Variants in RASGRP3 observed in about 807,000 individuals in gnomAD.
RASGRP3 encodes the protein ras guanyl-releasing protein 3.
A neutral mutation model predicts 82.7 loss-of-function variants in RASGRP3; 54 were observed. The observed-to-expected ratio is 0.65, with a 90% confidence interval of 0.52 to 0.82. The LOEUF (loss-of-function observed/expected upper bound fraction) is 0.82, where lower values mean the gene tolerates loss of function less well. Among genes scored for constraint, RASGRP3 ranks in the 40% least tolerant of loss-of-function variants. The pLI is 0.00. For synonymous variants in RASGRP3, 309 were observed against 300.5 expected (o/e 1.03, Z -0.29); for missense variants, 861 against 828.9 (o/e 1.04, Z -0.48).
intron 1 of RASGRP3, among the ~76,000 whole-genome samples, chr2:33,441,391 G>T (rs1026859138): frequency 6.6e-5 from 10 of 152,144 alleles, no homozygotes; most frequent in African/African-American, 2.2e-4. Flanking sequence ...AAGACCAAGG[G>T]TGTCAACCTC....
intron 1 of RASGRP3, among the ~76,000 whole-genome samples, chr2:33,490,189 CTA>C (rs1187008788): frequency 2.6e-5 from 4 of 152,190 alleles, no homozygotes; most frequent in African/African-American, 9.7e-5. Flanking sequence ...GCTTCCTCTA[CTA>C]TGTTCTCCTC....
At chr2:33,504,308 C>A (rs2150986216) in intron 1 of RASGRP3, among the ~76,000 whole-genome samples, 1 of 152,130 alleles carries the variant, frequency 6.6e-6, no homozygotes, top group Non-Finnish European at 1.5e-5. Flanking sequence ...TTTCTGTGCT[C>A]CCGCAATGCC....
At chr2:33,454,262 C>G (rs55669450) in intron 2 of RASGRP3, among the ~76,000 whole-genome samples, 3 of 152,110 alleles carry the variant, frequency 2.0e-5, no homozygotes, top group Non-Finnish European at 4.4e-5. Flanking sequence ...CATACATAGT[C>G]CAGAGAGGAG....
intron 14 of RASGRP3, chr2:33,555,159 T>C (rs551435837): frequency 5.7e-6 from 1 of 174,862 alleles, no homozygotes; most frequent in Admixed American, 6.3e-5. Flanking sequence ...TTTCCTGTAG[T>C]GGGCGCTAAG....
intron 13 of RASGRP3, among the ~76,000 whole-genome samples, chr2:33,548,056 TCGGGAGTA>T: frequency 6.6e-6 from 1 of 152,070 alleles, no homozygotes; most frequent in South Asian, 2.1e-4. Flanking sequence ...TTTGAAAACT[TCGGGAGTA>T]AAAGAAGGTA....
chr2:33,560,357 T>C (rs2151122428), intron 17 of RASGRP3, among the ~76,000 whole-genome samples: 1 of 152,310 alleles, frequency 6.6e-6, no homozygotes, highest in South Asian at 2.1e-4. Context: ...CTACTTCTTT[T>C]ACTGGCCTAG....
At chr2:33,490,783 G>A (rs1668777287) in intron 1 of RASGRP3, among the ~76,000 whole-genome samples, 1 of 152,078 alleles carries the variant, frequency 6.6e-6, no homozygotes, top group South Asian at 2.1e-4. Flanking sequence ...TCTTTCCCTG[G>A]AGCTCCAAAT....
At chr2:33,519,891 C>T (rs7597095) in intron 4 of RASGRP3, 61 bp from the exon 5 acceptor site, 751,395 of 1,204,482 alleles carry the variant, frequency 0.62, 239,910 homozygotes, top group Middle Eastern at 0.67. Flanking sequence ...ATTGAGGGCA[C>T]AGCTGCAGGG....
chr2:33,497,265 T>A (rs552919052), intron 1 of RASGRP3, among the ~76,000 whole-genome samples: 1 of 152,308 alleles, frequency 6.6e-6, no homozygotes, highest in South Asian at 2.1e-4. Context: ...GAACTGGAGA[T>A]TAGAAACAAA....
chr2:33,536,334 A>AC (rs1348227967), intron 11 of RASGRP3, among the ~76,000 whole-genome samples: 1 of 150,362 alleles, frequency 6.7e-6, no homozygotes, highest in South Asian at 2.1e-4. Context: ...AAAAAAAAAA[A>AC]AAACGACAGA....
At position 33,534,155 on chromosome 2, in the gene RASGRP3, T is replaced by C. The variant is rs1673371243; in HGVS notation, c.1084-168T>C. ...ATGATTAACCAGGATTAACGTTTTC[T>C]CTTTTAAATTTCATTTTCCATCTCT... On this transcript the variant is annotated intron_variant, in intron 10 of 17. Transcript: ENST00000403687. The C allele has an allele frequency of 1.2e-5, 7 of 602,636 alleles. No individual in the cohort carries two copies. The Admixed American group carries it at 1.8e-4, about 15-fold the overall frequency. 37.3% of individuals were successfully genotyped at this position (602,636 alleles called of 1,614,324 possible). A position where few individuals can be genotyped will look rare whatever the true frequency, so the allele number is the denominator to read the frequency against.
intron 2 of RASGRP3, among the ~76,000 whole-genome samples, chr2:33,453,282 A>T (rs1665890806): frequency 6.6e-6 from 1 of 152,150 alleles, no homozygotes; most frequent in African/African-American, 2.4e-5. Flanking sequence ...TCCTTTTGAA[A>T]CCCCATTAAG....
At position 33,515,085 on chromosome 2, in the gene RASGRP3, G is replaced by T. The variant is rs1671318961; in HGVS notation, c.-52G>T. The T allele has an allele frequency of 1.9e-6, 3 of 1,546,130 alleles. No homozygotes were observed. Reference sequence around the variant, plus strand: ...GCTGACTTGCATGATTATGGAGATGGTCTATCTGATGCTGAAAATGTCTCT... The same window carrying T: ...GCTGACTTGCATGATTATGGAGATGTTCTATCTGATGCTGAAAATGTCTCT... On this transcript the variant is annotated 5_prime_UTR_variant, in exon 3 of 18. Coordinates refer to ENST00000403687, the MANE Select transcript of RASGRP3 (RefSeq NM_001139488.2).
intron 3 of RASGRP3, 54 bp downstream of exon 3, chr2:33,515,260 C>G: frequency 6.3e-7 from 1 of 1,589,120 alleles, no homozygotes; most frequent in South Asian, 1.1e-5. Context: ...CTCTCACTTT[C>G]CTCTATTCAG....
At chr2:33,465,743 A>C (rs1386319668) in intron 2 of RASGRP3, among the ~76,000 whole-genome samples, 1 of 152,224 alleles carries the variant, frequency 6.6e-6, no homozygotes, top group African/African-American at 2.4e-5. Context: ...TCTGGCTTCA[A>C]AGCATGAAAG....
chr2:33,477,546 C>A (rs371073282), intron 1 of RASGRP3, among the ~76,000 whole-genome samples: 1 of 152,226 alleles, frequency 6.6e-6, no homozygotes, highest in Non-Finnish European at 1.5e-5. Context: ...CTCTGGGAGG[C>A]CTGGCATCCA....
At chr2:33,507,984 A>T (rs914680451) in intron 1 of RASGRP3, among the ~76,000 whole-genome samples, 7 of 152,228 alleles carry the variant, frequency 4.6e-5, no homozygotes, top group African/African-American at 1.7e-4. Context: ...TGGAGAAGGG[A>T]AAGAAGTGGT....
chr2:33,516,500 A>G, intron 3 of RASGRP3, 42 bp from the exon 4 acceptor site: 1 of 1,329,680 alleles, frequency 7.5e-7, no homozygotes, highest in Non-Finnish European at 1.1e-6. Context: ...AGTAAAGAAT[A>G]GCACTATTAT....
chr2:33,547,109 C>T (rs542435056), intron 13 of RASGRP3, among the ~76,000 whole-genome samples: 1 of 147,946 alleles, frequency 6.8e-6, no homozygotes, highest in South Asian at 2.2e-4. Context: ...TTTGCAGGAA[C>T]GCGGATGGAA....
Sources: allele counts gnomAD v4.1 joint callset (sites outside exome capture counted in the v4.1 genomes callset), GRCh38; gene constraint gnomAD v4.1.1; transcripts MANE v1.5; gene names NCBI Gene and HGNC (gene_info 2026-07-23, HGNC 2026-07-21).